HSD17B14: variants seen among roughly 807,000 people sequenced by gnomAD.
The protein encoded by HSD17B14 is hydroxysteroid 17-beta dehydrogenase 14, also known as L-fucose dehydrogenase.
HSD17B14 carries 32 observed loss-of-function variants against 32.2 expected under a neutral mutation model. That is an observed-to-expected ratio of 0.99 (90% CI 0.75 to 1.33). HSD17B14 has a LOEUF of 1.33. Among genes scored for constraint, HSD17B14 ranks in the 40% most tolerant of loss-of-function variants. The pLI is 0.00. For synonymous variants in HSD17B14, 140 were observed against 155.4 expected (o/e 0.90, Z 0.74); for missense variants, 370 against 366.5 (o/e 1.01, Z -0.08).
At chr19:48,815,623 C>T (rs1009940697) in intron 5 of HSD17B14, among the ~76,000 whole-genome samples, 2 of 152,076 alleles carry the variant, frequency 1.3e-5, no homozygotes, top group Admixed American at 6.6e-5. Flanking sequence ...CAATCCTCCC[C>T]GCTCGGCCTC....
Position 48,815,112 on chromosome 19 carries a change from T to G in HSD17B14, c.399A>C (p.Gln133His). Residue 133 changes from glutamine to histidine, a missense_variant, in exon 6 of 9, where the codon CAA becomes CAC. By Grantham distance (24) the Gln-to-His change is conservative. Transcript: ENST00000263278. ...KLALPYLRKS[Q>H]GNVINISSLV... ...GGCTGGAGATGTTGATGACATTCCC[T>G]TGACTCTTCCGCAGGTAGGGGAGGG... The G allele has an allele frequency of 6.2e-7, 1 of 1,613,934 alleles. No homozygotes were observed. Among genetic ancestry groups the G allele is most frequent in the Non-Finnish European group, 8.5e-7 (1 of 1,179,932 alleles).
chr19:48,828,615 G>C (rs1310391055), intron 5 of HSD17B14, among the ~76,000 whole-genome samples: 1 of 151,228 alleles, frequency 6.6e-6, no homozygotes, highest in Non-Finnish European at 1.5e-5. Context: ...GTCTCAAAAA[G>C]TAATTAAAAT....
chr19:48,818,810 G>A (rs1250753195), intron 5 of HSD17B14, among the ~76,000 whole-genome samples: 1 of 152,050 alleles, frequency 6.6e-6, no homozygotes, highest in Admixed American at 6.6e-5. Context: ...GGCCAGCCTG[G>A]GCAACATACT....
intron 5 of HSD17B14, among the ~76,000 whole-genome samples, chr19:48,820,724 C>T (rs893145255): frequency 5.3e-5 from 8 of 151,152 alleles, no homozygotes; most frequent in African/African-American, 7.3e-5. Flanking sequence ...GGGTTTCGGC[C>T]GGGCGCAGTG....
chr19:48,831,748 G>A lies in HSD17B14; in HGVS notation c.289C>T (p.Gln97Ter). The change falls in exon 5 of 9, where the codon CAG becomes TAG. Residue 97 changes from glutamine (Q) to a stop codon, truncating the protein, a stop_gained. Coordinates refer to ENST00000263278, the MANE Select transcript of HSD17B14 (RefSeq NM_016246.3). LOFTEE classifies it high-confidence loss of function. Reference protein sequence around the residue: ...VNNAGHHPPPQRPEETSAQGF... With the variant: ...VNNAGHHPPP ...TGGGCAGAGGTCTCCTCAGGCCTCT[G>A]TGGGGGTGGGTCTAAAGTGGGGGGT... 1 of 1,611,412 alleles carries A rather than the reference G, an allele frequency of 6.2e-7. No individual in the cohort carries two copies. Among genetic ancestry groups the A allele is most frequent in the South Asian group, 1.1e-5 (1 of 91,006 alleles).
chr19:48,828,376 G>C (rs949629935), intron 5 of HSD17B14, among the ~76,000 whole-genome samples: 23 of 152,276 alleles, frequency 1.5e-4, no homozygotes, highest in African/African-American at 5.1e-4. Flanking sequence ...GATGGGTGCA[G>C]TAGCTCATGC....
chr19:48,826,542 T>TATATATATATATATATATACACACAC, intron 5 of HSD17B14, among the ~76,000 whole-genome samples: 2 of 80,102 alleles, frequency 2.5e-5, no homozygotes, highest in African/African-American at 5.3e-5. Context: ...TATATATATA[T>TATATATATATATATATATACACACAC]ACACACACAC....
chr19:48,834,139 G>A (rs930990721), intron 3 of HSD17B14, 137 bp downstream of exon 3: 2 of 681,498 alleles, frequency 2.9e-6, no homozygotes, highest in African/African-American at 1.8e-5. Flanking sequence ...GAGTGACACT[G>A]GGTGGAAACC....
chr19:48,832,756 TG>T (rs763825996), intron 3 of HSD17B14, 24 bp from the exon 4 acceptor site: 14 of 1,581,192 alleles, frequency 8.9e-6, no homozygotes, highest in Non-Finnish European at 1.1e-5. Flanking sequence ...AAATGTCCTT[TG>T]TTTTTTTTTT....
Position 48,834,456 on chromosome 19 carries a change from G to A in HSD17B14, c.128-98C>T, listed in dbSNP as rs79357771. On this transcript the variant is annotated intron_variant, in intron 2 of 8. Transcript: ENST00000263278. The stretch of plus-strand genomic sequence containing the variant: ...GGGTCTGAGGGAGGAGGTGCTGGGG[G>A]CCTGGACTCCTGGGTCTGAGGGAGG... The A allele has an allele frequency of 2.4e-3, 1,452 of 604,270 alleles. 16 individuals are homozygous for A. The highest frequency in any genetic ancestry group is 6.4e-3 in the Admixed American group (145 of 22,760). 37.4% of individuals were successfully genotyped at this position (604,270 alleles called of 1,614,324 possible). A position where few individuals can be genotyped will look rare whatever the true frequency, so the allele number is the denominator to read the frequency against.
intron 5 of HSD17B14, among the ~76,000 whole-genome samples, chr19:48,822,668 GATGATGGTGGTGATGATGGTGGCA>G (rs2035180110): frequency 6.6e-6 from 1 of 151,540 alleles, no homozygotes; most frequent in African/African-American, 2.4e-5. Context: ...TGATGGTGAT[GATGATGGTGGTGATGATGGTGGCA>G]ATGATGGTGA....
chr19:48,814,173 T>A (rs1212325294), intron 6 of HSD17B14, among the ~76,000 whole-genome samples: 5 of 142,626 alleles, frequency 3.5e-5, no homozygotes, highest in African/African-American at 1.3e-4. Context: ...GCAACCTGGG[T>A]GACAGAGTGA....
At position 48,815,052 on chromosome 19, in the gene HSD17B14, G is replaced by A. The variant is rs781703926; in HGVS notation, c.459C>T (p.Pro153=). ...GCTGCCATACCTTGGTGGCCACATAGGGAACTGCCTGGGCCTGGCCGATTG... is the reference window on the plus strand; with the variant it reads ...GCTGCCATACCTTGGTGGCCACATAAGGAACTGCCTGGGCCTGGCCGATTG... ...VGAIGQAQAV[P]YVATKGAVTA... is the part of the protein sequence containing the mutation. Residue 153 remains proline (P), a synonymous_variant, in exon 6 of 9, where the codon CCC becomes CCT. Transcript: ENST00000263278. The A allele has an allele frequency of 3.1e-6, 5 of 1,613,716 alleles. No individual in the cohort carries two copies. Among genetic ancestry groups the A allele is most frequent in the Non-Finnish European group, 4.2e-6 (5 of 1,179,778 alleles).
Position 48,813,536 on chromosome 19 carries a change from T to A in HSD17B14, c.559A>T (p.Ile187Phe). The A allele has an allele frequency of 6.2e-7, 1 of 1,614,038 alleles. No homozygotes were observed. Among genetic ancestry groups the A allele is most frequent in the Middle Eastern group, 1.6e-4 (1 of 6,062 alleles). ...VRVNCISPGN[I>F]WTPLWEELAA... ...AGCTCCTCCCACAGCGGGGTCCAGA[T>A]GTTTCCTGGGGAGATACTAGAGGAA... Residue 187 changes from isoleucine (I) to phenylalanine (F), a missense_variant, in exon 8 of 9, where the codon ATC becomes TTC. Physicochemically the swap from Ile to Phe is conservative, Grantham distance 21. Transcript: ENST00000263278.
chr19:48,815,627 C>T (rs945065788), intron 5 of HSD17B14, among the ~76,000 whole-genome samples: 6 of 152,108 alleles, frequency 3.9e-5, no homozygotes, highest in African/African-American at 9.7e-5. Flanking sequence ...CCTCCCCGCT[C>T]GGCCTCCCAA....
rs561062035 is a variant in HSD17B14, at chr19:48,816,532, A to C, written c.370-1391T>G. Among the ~76,000 whole-genome samples, 23 of 152,108 alleles carry C rather than the reference A, an allele frequency of 1.5e-4. No individual in the cohort carries two copies. In the East Asian group the frequency reaches 3.5e-3, roughly 23 times the overall value. On this transcript the variant is annotated intron_variant, in intron 5 of 8. Coordinates refer to ENST00000263278, the MANE Select transcript of HSD17B14 (RefSeq NM_016246.3). Reference sequence around the variant, plus strand: ...GCCCAGGACTGAAGGGTTTTTGGGGACATGGTATTTTCAGTCCACAGTGTC... The same window carrying C: ...GCCCAGGACTGAAGGGTTTTTGGGGCCATGGTATTTTCAGTCCACAGTGTC...
Position 48,813,511 on chromosome 19 carries a change from A to G in HSD17B14, c.584T>C (p.Leu195Pro). Residue 195 changes from leucine to proline, a missense_variant, in exon 8 of 9, where the codon CTG (leucine) becomes CCG (proline). By Grantham distance (98) the Leu-to-Pro change is moderately conservative. Transcript: ENST00000263278. The part of the protein sequence containing the change: ...GNIWTPLWEE[L>P]AALMPDPRAT... The stretch of plus-strand genomic sequence containing the variant: ...CCTAGGGTCTGGCATTAAGGCTGCC[A>G]GCTCCTCCCACAGCGGGGTCCAGAT... 1 of 1,614,026 alleles carries G rather than the reference A, an allele frequency of 6.2e-7. No homozygotes were observed. The highest frequency in any genetic ancestry group is 1.1e-5 in the South Asian group (1 of 91,068).
intron 3 of HSD17B14, among the ~76,000 whole-genome samples, chr19:48,833,092 TA>T (rs1467495820): frequency 6.6e-6 from 1 of 151,110 alleles, no homozygotes; most frequent in Non-Finnish European, 1.5e-5. Context: ...TGTCCAGCCA[TA>T]AAGAAGACAG....
At chr19:48,826,542 T>TATAC in intron 5 of HSD17B14, among the ~76,000 whole-genome samples, 13 of 80,124 alleles carry the variant, frequency 1.6e-4, no homozygotes, top group East Asian at 9.3e-4. Flanking sequence ...TATATATATA[T>TATAC]ACACACACAC....
Sources: gnomAD v4.1 joint callset for allele counts (sites outside exome capture counted in the v4.1 genomes callset) on GRCh38, gnomAD v4.1.1 for gene constraint, MANE v1.5 for transcripts, NCBI Gene and HGNC (gene_info 2026-07-23, HGNC 2026-07-21) for gene names.